Variants in NSMCE2 observed in about 807,000 individuals in gnomAD.
The protein encoded by NSMCE2 is E3 SUMO-protein ligase NSE2.
Under a neutral mutation model 23.8 loss-of-function variants are expected in NSMCE2, and 24 were observed. That is an observed-to-expected ratio of 1.01 (90% confidence interval 0.73 to 1.42). NSMCE2 has a LOEUF of 1.42. Among genes scored for constraint, NSMCE2 ranks in the 40% most tolerant of loss-of-function variants. The pLI is 0.00. For synonymous variants in NSMCE2, 92 were observed against 94.1 expected, an observed-to-expected ratio of 0.98 and a Z score of 0.13; for missense variants, 284 against 296.5, an observed-to-expected ratio of 0.96 and a Z score of 0.31.
At chr8:125,232,720 C>A (rs763300863) in intron 5 of NSMCE2, among the ~76,000 whole-genome samples, 2 of 152,232 alleles carry the variant, frequency 1.3e-5, no homozygotes, top group East Asian at 3.9e-4. Flanking sequence ...TCTCACCTCC[C>A]CTTTCTTATG....
chr8:125,195,642 G>T lies in NSMCE2; in HGVS notation c.418+13386G>T, dbSNP rs112643346. 5.4e-3 allele frequency among the ~76,000 whole-genome samples: 815 copies of T among 152,224 alleles called. 3 individuals are homozygous for T. Among genetic ancestry groups the T allele is most frequent in the Non-Finnish European group, 8.1e-3 (550 of 68,018 alleles). ...CATTTAATATGCTGGGAATATGGCA[G>T]TGAACAAAATAGACAAGTCTCTATG... On this transcript the variant is annotated intron_variant, in intron 5 of 7. Transcript: ENST00000287437.
chr8:125,279,263 A>G (rs1362726049), intron 5 of NSMCE2, among the ~76,000 whole-genome samples: 1 of 152,230 alleles, frequency 6.6e-6, no homozygotes, highest in Non-Finnish European at 1.5e-5. Flanking sequence ...GCACTGAGAT[A>G]TAGCAAGGGT....
intron 3 of NSMCE2, among the ~76,000 whole-genome samples, chr8:125,109,257 A>G (rs1241436255): frequency 2.0e-5 from 3 of 152,104 alleles, no homozygotes; most frequent in Non-Finnish European, 2.9e-5. Context: ...CAGGTTTCCT[A>G]TTTATAAAAG....
chr8:125,138,538 G>GT (rs946817634), intron 3 of NSMCE2, among the ~76,000 whole-genome samples: 13 of 151,902 alleles, frequency 8.6e-5, no homozygotes, highest in Non-Finnish European at 1.6e-4. Context: ...TTTTTTTGTT[G>GT]TTTTTTTAAT....
intron 4 of NSMCE2, among the ~76,000 whole-genome samples, chr8:125,156,587 G>A (rs949030884): frequency 6.6e-5 from 10 of 151,980 alleles, no homozygotes; most frequent in Admixed American, 1.3e-4. Context: ...TTATAAATTC[G>A]TTCATGGATA....
At chr8:125,209,281 A>G (rs1161139021) in intron 5 of NSMCE2, among the ~76,000 whole-genome samples, 1 of 152,242 alleles carries the variant, frequency 6.6e-6, no homozygotes, top group African/African-American at 2.4e-5. Flanking sequence ...ACGAAGAAGT[A>G]CAACATAGAC....
intron 5 of NSMCE2, among the ~76,000 whole-genome samples, chr8:125,206,527 A>G (rs1824124231): frequency 1.3e-5 from 2 of 152,178 alleles, no homozygotes; most frequent in Non-Finnish European, 1.5e-5. Flanking sequence ...AATGAATGCA[A>G]GAAGTGTTGT....
intron 5 of NSMCE2, among the ~76,000 whole-genome samples, chr8:125,279,597 C>T (rs946680026): frequency 2.6e-5 from 4 of 152,074 alleles, no homozygotes; most frequent in African/African-American, 9.7e-5. Flanking sequence ...TGGCAAAATG[C>T]GAAAGATAGA....
intron 4 of NSMCE2, among the ~76,000 whole-genome samples, chr8:125,181,322 C>T (rs1462590490): frequency 1.3e-5 from 2 of 151,730 alleles, no homozygotes; most frequent in African/African-American, 4.8e-5. Context: ...GAAAAGAGCC[C>T]GTTGAGAGGA....
At position 125,237,108 on chromosome 8, in the gene NSMCE2, C is replaced by G. The variant is rs1215277453; in HGVS notation, c.418+54852C>G. Among the ~76,000 whole-genome samples the G allele has an allele frequency of 2.0e-5, 3 of 152,146 alleles. No individual in the cohort carries two copies. The South Asian group carries it at 6.2e-4, about 32-fold the overall frequency. ...TACAGGTTGATTTGAATTTAAACAA[C>G]ACTTTGTGGAACTGTAGGCAAATGT... On this transcript the variant is annotated intron_variant, in intron 5 of 7. Coordinates refer to ENST00000287437, the MANE Select transcript of NSMCE2 (RefSeq NM_173685.4).
chr8:125,216,628 G>C (rs112686376), intron 5 of NSMCE2, among the ~76,000 whole-genome samples: 2,620 of 139,662 alleles, frequency 0.019, 66 homozygotes, highest in African/African-American at 0.07. Flanking sequence ...GAGCGAGGCT[G>C]TGTGTCAAAA....
intron 5 of NSMCE2, among the ~76,000 whole-genome samples, chr8:125,355,089 CA>C (rs1248433457): frequency 6.6e-6 from 1 of 152,186 alleles, no homozygotes; most frequent in African/African-American, 2.4e-5. Flanking sequence ...GCAAATATTT[CA>C]AAGTCCGAAA....
intron 5 of NSMCE2, among the ~76,000 whole-genome samples, chr8:125,332,501 ATAGT>A (rs1281826236): frequency 3.9e-5 from 6 of 152,244 alleles, no homozygotes; most frequent in Admixed American, 6.5e-5. Context: ...TGCCTATAAA[ATAGT>A]TAGCGTAGAA....
intron 4 of NSMCE2, among the ~76,000 whole-genome samples, chr8:125,169,927 CT>C (rs988832990): frequency 6.7e-4 from 98 of 146,036 alleles, no homozygotes; most frequent in Middle Eastern, 3.6e-3. Context: ...ACTGGGAGTG[CT>C]TTTTTTTTTT....
At chr8:125,267,456 G>T (rs1345469779) in intron 5 of NSMCE2, among the ~76,000 whole-genome samples, 2 of 152,202 alleles carry the variant, frequency 1.3e-5, no homozygotes, top group African/African-American at 4.8e-5. Context: ...AGACAGTCAG[G>T]ACCAAACTGC....
chr8:125,272,177 C>T (rs7826327), intron 5 of NSMCE2, among the ~76,000 whole-genome samples: 4,687 of 151,866 alleles, frequency 0.031, 217 homozygotes, highest in African/African-American at 0.11. Context: ...TCATGCCTGT[C>T]GAATTTTTTT....
chr8:125,147,174 G>A (rs915263284), intron 3 of NSMCE2, among the ~76,000 whole-genome samples: 2 of 152,190 alleles, frequency 1.3e-5, no homozygotes, highest in African/African-American at 4.8e-5. Context: ...CACCACTCCA[G>A]TGCTGGTGCC....
At chr8:125,178,924 T>A (rs1345808897) in intron 4 of NSMCE2, among the ~76,000 whole-genome samples, 1 of 152,136 alleles carries the variant, frequency 6.6e-6, no homozygotes, top group East Asian at 1.9e-4. Context: ...TGGGCCTTAA[T>A]CCAATATGAC....
intron 3 of NSMCE2, among the ~76,000 whole-genome samples, chr8:125,116,072 G>A (rs1818993414): frequency 6.6e-6 from 1 of 152,166 alleles, no homozygotes; most frequent in Admixed American, 6.5e-5. Context: ...TTTATCTGTA[G>A]TCTCTTTCCT....
Sources: gnomAD v4.1 joint callset for allele counts (sites outside exome capture counted in the v4.1 genomes callset) on GRCh38, gnomAD v4.1.1 for gene constraint, MANE v1.5 for transcripts, NCBI Gene and HGNC (gene_info 2026-07-23, HGNC 2026-07-21) for gene names.